EPB41L2: variants seen among roughly 807,000 people sequenced by gnomAD.
The protein encoded by EPB41L2 is erythrocyte membrane protein band 4.1 like 2.
Under a neutral mutation model 113.0 loss-of-function variants are expected in EPB41L2, and 43 were observed. That is an observed-to-expected ratio of 0.38 (90% CI 0.30 to 0.49). The LOEUF (loss-of-function observed/expected upper bound fraction) is 0.49, where lower values mean the gene tolerates loss of function less well. Among genes scored for constraint, EPB41L2 ranks in the 20% least tolerant of loss-of-function variants. EPB41L2 has a pLI of 0.95. For synonymous variants in EPB41L2, 442 were observed against 436.7 expected (o/e 1.01, Z -0.15); for missense variants, 1,147 against 1,223.4 (o/e 0.94, Z 0.93).
At chr6:131,021,198 G>C (rs1338821288) in intron 1 of EPB41L2, among the ~76,000 whole-genome samples, 3 of 152,172 alleles carry the variant, frequency 2.0e-5, no homozygotes, top group Non-Finnish European at 4.4e-5. Context: ...TCATGCAGAA[G>C]AATATCATTT....
intron 1 of EPB41L2, among the ~76,000 whole-genome samples, chr6:131,000,230 C>T (rs567899359): frequency 6.6e-6 from 1 of 151,882 alleles, no homozygotes; most frequent in Admixed American, 6.6e-5. Context: ...TAGGGAGGAT[C>T]TTCTTCCTTC....
chr6:130,987,172 T>C (rs569632054), intron 1 of EPB41L2, among the ~76,000 whole-genome samples: 3 of 152,336 alleles, frequency 2.0e-5, no homozygotes, highest in African/African-American at 7.2e-5. Context: ...TTAGTATGAA[T>C]AGCCACTATG....
At chr6:130,957,010 TG>T (rs1817662832) in intron 1 of EPB41L2, among the ~76,000 whole-genome samples, 1 of 152,186 alleles carries the variant, frequency 6.6e-6, no homozygotes, top group Non-Finnish European at 1.5e-5. Context: ...CAGTTTTAAG[TG>T]TATGGTGTGT....
intron 19 of EPB41L2, among the ~76,000 whole-genome samples, chr6:130,853,650 C>A (rs1006376408): frequency 1.3e-5 from 2 of 152,136 alleles, no homozygotes; most frequent in African/African-American, 4.8e-5. Context: ...TTGGGAGGTT[C>A]GTCCTCTGCA....
At chr6:130,926,408 A>G (rs900000942) in intron 4 of EPB41L2, among the ~76,000 whole-genome samples, 197 bp downstream of exon 4, 2 of 152,236 alleles carry the variant, frequency 1.3e-5, no homozygotes, top group Non-Finnish European at 2.9e-5. Context: ...ATGCACACAC[A>G]CAAATACACA....
chr6:131,042,621 T>A (rs776550823), intron 1 of EPB41L2, among the ~76,000 whole-genome samples: 3 of 152,158 alleles, frequency 2.0e-5, no homozygotes, highest in Non-Finnish European at 2.9e-5. Flanking sequence ...TGATTTCACA[T>A]CTTCTCACTT....
At chr6:131,024,365 T>A (rs890358059) in intron 1 of EPB41L2, among the ~76,000 whole-genome samples, 1 of 152,102 alleles carries the variant, frequency 6.6e-6, no homozygotes, top group African/African-American at 2.4e-5. Context: ...GAAAGAGGTG[T>A]GTTCAGTATA....
chr6:130,957,269 G>A (rs964089714), intron 1 of EPB41L2, among the ~76,000 whole-genome samples: 9 of 152,170 alleles, frequency 5.9e-5, no homozygotes, highest in African/African-American at 2.2e-4. Context: ...TGCATCTGAC[G>A]ATTGTTCTTA....
chr6:130,955,887 G>C, intron 2 of EPB41L2, 107 bp downstream of exon 2: 1 of 1,501,174 alleles, frequency 6.7e-7, no homozygotes, highest in South Asian at 1.4e-5. Context: ...AGCTAAAGCA[G>C]TATCTCAGTA....
chr6:130,874,247 T>G (rs560267209), intron 14 of EPB41L2, among the ~76,000 whole-genome samples: 1 of 151,826 alleles, frequency 6.6e-6, no homozygotes, highest in Non-Finnish European at 1.5e-5. Context: ...ACAGCCACTT[T>G]GAAAATGCAA....
At chr6:131,029,556 A>G (rs1167653076) in intron 1 of EPB41L2, among the ~76,000 whole-genome samples, 1 of 152,232 alleles carries the variant, frequency 6.6e-6, no homozygotes, top group African/African-American at 2.4e-5. Flanking sequence ...AGGATTCAAC[A>G]TTAGAACTAT....
rs375639120 is a variant in EPB41L2, at chr6:130,895,001, C to T, written c.1355G>A (p.Arg452His). 6 of 1,613,518 alleles carry T rather than the reference C, an allele frequency of 3.7e-6. No homozygotes were observed. In the Admixed American group the frequency reaches 5.0e-5, roughly 13 times the overall value. ...WPKILKISYK[R>H]SNFYIKVRPA... ...TCTGACTTTAATGTAGAAGTTACTG[C>T]GTTTATAGGAAATTTTTAAGATTTT... Residue 452 changes from arginine (R) to histidine (H), a missense_variant, in exon 9 of 20, where the codon CGC becomes CAC. Coordinates refer to ENST00000337057, the MANE Select transcript of EPB41L2 (RefSeq NM_001431.4).
At chr6:130,887,084 C>T (rs1791270120) in intron 11 of EPB41L2, among the ~76,000 whole-genome samples, 1 of 152,156 alleles carries the variant, frequency 6.6e-6, no homozygotes, top group Non-Finnish European at 1.5e-5. Context: ...TGAAAAAAAT[C>T]TGACCTAGAA....
chr6:130,973,635 T>G (rs1777453699), intron 1 of EPB41L2, among the ~76,000 whole-genome samples: 1 of 152,168 alleles, frequency 6.6e-6, no homozygotes, highest in South Asian at 2.1e-4. Context: ...AAGTCACCCC[T>G]CTGCTCACTG....
At chr6:130,882,144 A>G (rs1789523979) in intron 12 of EPB41L2, 1 of 152,236 alleles carries the variant, frequency 6.6e-6, no homozygotes, top group South Asian at 2.1e-4. Flanking sequence ...CTAAAGGAAC[A>G]GCATTAATAT....
At chr6:130,898,129 T>C (rs1360726033) in intron 8 of EPB41L2, among the ~76,000 whole-genome samples, 1 of 150,672 alleles carries the variant, frequency 6.6e-6, no homozygotes, top group Non-Finnish European at 1.5e-5. Context: ...AGAAAAAAGG[T>C]ATTAAGAATG....
At chr6:130,937,843 A>G (rs1236308496) in intron 3 of EPB41L2, among the ~76,000 whole-genome samples, 2 of 151,038 alleles carry the variant, frequency 1.3e-5, no homozygotes, top group Non-Finnish European at 1.5e-5. Context: ...AAAGATTAAC[A>G]CAGCCTGCTA....
At chr6:131,001,544 G>C (rs551500036) in intron 1 of EPB41L2, among the ~76,000 whole-genome samples, 2 of 152,098 alleles carry the variant, frequency 1.3e-5, no homozygotes, top group East Asian at 3.9e-4. Flanking sequence ...GACAGTTTCC[G>C]TCATCTTTCT....
chr6:130,922,536 T>C (rs552028135), intron 4 of EPB41L2, among the ~76,000 whole-genome samples: 6 of 152,362 alleles, frequency 3.9e-5, no homozygotes, highest in African/African-American at 1.4e-4. Flanking sequence ...TTGAATCTTA[T>C]CACCAACATT....
Sources: gnomAD v4.1 joint callset for allele counts (sites outside exome capture counted in the v4.1 genomes callset) on GRCh38, gnomAD v4.1.1 for gene constraint, MANE v1.5 for transcripts, NCBI Gene and HGNC (gene_info 2026-07-23, HGNC 2026-07-21) for gene names.